The following OSBPL10 variants were observed in gnomAD, a reference collection of about 807,000 sequenced individuals.
OSBPL10 encodes oxysterol-binding protein-related protein 10.
Under a neutral mutation model 81.7 loss-of-function variants are expected in OSBPL10, and 49 were observed. The observed-to-expected ratio is 0.60, with a 90% CI of 0.48 to 0.76. OSBPL10 has a LOEUF of 0.76. Among genes scored for constraint, OSBPL10 ranks in the 30% least tolerant of loss-of-function variants. OSBPL10 has a pLI of 0.00. For missense variants in OSBPL10, 923 were observed against 987.8 expected (o/e 0.93, Z 0.88); for synonymous variants, 419 against 383.6 (o/e 1.09, Z -1.08).
At chr3:31,726,195 G>C (rs1696802609) in intron 6 of OSBPL10, among the ~76,000 whole-genome samples, 1 of 152,162 alleles carries the variant, frequency 6.6e-6, no homozygotes, top group Non-Finnish European at 1.5e-5. Flanking sequence ...TGAAAATCCA[G>C]TGACCCACCA....
chr3:31,905,924 A>T (rs1439831070), intron 1 of OSBPL10, among the ~76,000 whole-genome samples: 1 of 151,604 alleles, frequency 6.6e-6, no homozygotes, highest in Non-Finnish European at 1.5e-5. Context: ...TTCTCCTCAG[A>T]TGAACAAATA....
chr3:31,671,628 G>T (rs749253286), intron 8 of OSBPL10, among the ~76,000 whole-genome samples: 15 of 151,516 alleles, frequency 9.9e-5, no homozygotes, highest in Non-Finnish European at 1.8e-4. Context: ...GCAACCTTAG[G>T]AAAGACATCT....
intron 1 of OSBPL10, among the ~76,000 whole-genome samples, chr3:31,969,911 GGAGA>G (rs1452272671): frequency 6.6e-6 from 1 of 151,786 alleles, no homozygotes; most frequent in Non-Finnish European, 1.5e-5. Flanking sequence ...GAAAGGCCAT[GGAGA>G]GAAAGAGTAT....
intron 2 of OSBPL10, among the ~76,000 whole-genome samples, chr3:32,016,205 A>G (rs576739944): frequency 6.6e-6 from 1 of 152,364 alleles, no homozygotes; most frequent in South Asian, 2.1e-4. Flanking sequence ...CCAAATGTCC[A>G]ACAATGATAG....
intron 8 of OSBPL10, among the ~76,000 whole-genome samples, chr3:31,678,782 C>CTGTGTG (rs67616509): frequency 0.044 from 5,970 of 135,526 alleles, 175 homozygotes; most frequent in East Asian, 0.075. Context: ...CAGATTCAAA[C>CTGTGTG]TGTGTGTGTG....
chr3:31,754,686 G>T (rs564427426), intron 4 of OSBPL10, among the ~76,000 whole-genome samples: 1 of 152,270 alleles, frequency 6.6e-6, no homozygotes, highest in African/African-American at 2.4e-5. Context: ...TTTGCAGACC[G>T]TATGTTCTCT....
chr3:31,935,818 G>A (rs915367189), intron 1 of OSBPL10, among the ~76,000 whole-genome samples: 2 of 152,034 alleles, frequency 1.3e-5, no homozygotes, highest in East Asian at 1.9e-4. Flanking sequence ...CACCGCACCC[G>A]GCCAAAATAA....
At chr3:31,875,748 C>T (rs1701456538) in intron 3 of OSBPL10, among the ~76,000 whole-genome samples, 1 of 152,034 alleles carries the variant, frequency 6.6e-6, no homozygotes, top group African/African-American at 2.4e-5. Context: ...AAAAAGATAG[C>T]AGTTGGATAC....
intron 1 of OSBPL10, among the ~76,000 whole-genome samples, chr3:31,892,301 T>G (rs1695915867): frequency 6.6e-6 from 1 of 152,138 alleles, no homozygotes. Context: ...GCTAAAGACG[T>G]AGGCAATGCA....
intron 1 of OSBPL10, among the ~76,000 whole-genome samples, chr3:31,922,721 G>A (rs1696954722): frequency 1.3e-5 from 2 of 152,054 alleles, no homozygotes; most frequent in African/African-American, 4.8e-5. Flanking sequence ...GCAGGACAAG[G>A]ATTTAGCGCT....
chr3:31,846,543 A>C (rs1700637051), intron 3 of OSBPL10, among the ~76,000 whole-genome samples: 1 of 152,044 alleles, frequency 6.6e-6, no homozygotes, highest in African/African-American at 2.4e-5. Flanking sequence ...GAGGCTGAGG[A>C]ATCGCTTGAA....
At chr3:32,030,176 T>G (rs2125551600) in intron 2 of OSBPL10, 2 of 237,802 alleles carry the variant, frequency 8.4e-6, no homozygotes, top group Middle Eastern at 1.1e-3. Flanking sequence ...AGAACCGCCA[T>G]CTTCCAGTAA....
chr3:32,034,033 A>G (rs1387570931), intron 2 of OSBPL10, among the ~76,000 whole-genome samples: 2 of 152,176 alleles, frequency 1.3e-5, no homozygotes, highest in Non-Finnish European at 2.9e-5. Flanking sequence ...GAAGTAGGCA[A>G]TTCTTCACAG....
At chr3:31,799,031 G>A (rs1041581896) in intron 4 of OSBPL10, among the ~76,000 whole-genome samples, 2 of 152,136 alleles carry the variant, frequency 1.3e-5, no homozygotes, top group South Asian at 2.1e-4. Flanking sequence ...CTGCTATGCC[G>A]CCCAGTTCCT....
intron 2 of OSBPL10, among the ~76,000 whole-genome samples, chr3:31,994,273 A>G (rs1223460659): frequency 2.6e-5 from 4 of 152,178 alleles, no homozygotes; most frequent in African/African-American, 9.7e-5. Context: ...ATGTATTTGA[A>G]CGTGGGTGGA....
At chr3:31,943,288 G>T (rs561699436) in intron 1 of OSBPL10, among the ~76,000 whole-genome samples, 42 of 152,094 alleles carry the variant, frequency 2.8e-4, no homozygotes, top group African/African-American at 9.6e-4. Flanking sequence ...TTCCATTTTT[G>T]AATCTTGTGA....
chr3:31,785,143 C>T (rs1698830004), intron 4 of OSBPL10, among the ~76,000 whole-genome samples: 1 of 152,196 alleles, frequency 6.6e-6, no homozygotes, highest in African/African-American at 2.4e-5. Context: ...CCTCGGCCTC[C>T]CAAAGTGCCG....
chr3:31,698,903 C>T (rs568100684), intron 7 of OSBPL10, among the ~76,000 whole-genome samples: 71 of 152,266 alleles, frequency 4.7e-4, no homozygotes, highest in Non-Finnish European at 9.0e-4. Flanking sequence ...TTTCTTTTCC[C>T]TCCCTCCTTC....
intron 3 of OSBPL10, among the ~76,000 whole-genome samples, chr3:31,844,219 T>G (rs913766573): frequency 1.3e-5 from 2 of 152,198 alleles, no homozygotes; most frequent in Non-Finnish European, 2.9e-5. Context: ...GCAAGCAAAA[T>G]GTGTTGGTTC....
Sources: gnomAD v4.1 joint callset for allele counts (sites outside exome capture counted in the v4.1 genomes callset) on GRCh38, gnomAD v4.1.1 for gene constraint, MANE v1.5 for transcripts, NCBI Gene and HGNC (gene_info 2026-07-23, HGNC 2026-07-21) for gene names.